ARHGEF4: variants seen among roughly 807,000 people sequenced by gnomAD.
The protein encoded by ARHGEF4 is APC-stimulated guanine nucleotide exchange factor 1.
In ARHGEF4, 119 loss-of-function variants were observed where a neutral mutation model predicts 162.0. The ratio of observed to expected loss-of-function variants is 0.73; its 90% confidence interval spans 0.63 to 0.86. ARHGEF4 has a LOEUF of 0.86. Among genes scored for constraint, ARHGEF4 ranks in the 40% least tolerant of loss-of-function variants. The probability of loss-of-function intolerance (pLI) is 0.00; values close to 1 mark genes in which losing one functional copy is unlikely to be tolerated. For synonymous variants in ARHGEF4, 1,014 were observed against 979.9 expected, an observed-to-expected ratio of 1.03 and a Z score of -0.65; for missense variants, 2,488 against 2,456.0, an observed-to-expected ratio of 1.01 and a Z score of -0.28.
At chr2:130,956,302 TTAAA>T in intron 4 of ARHGEF4, among the ~76,000 whole-genome samples, 1 of 152,056 alleles carries the variant, frequency 6.6e-6, no homozygotes, top group East Asian at 1.9e-4. Context: ...ATGGCAATCA[TTAAA>T]TAGTCAGGAA....
chr2:130,848,014 C>T (rs1232343138), intron 1 of ARHGEF4, among the ~76,000 whole-genome samples: 1 of 152,188 alleles, frequency 6.6e-6, no homozygotes, highest in Non-Finnish European at 1.5e-5. Flanking sequence ...TGTGAGGGAG[C>T]CACGTGGTTG....
In ARHGEF4 at chr2:131,029,759, C is replaced by T. The variant is rs561062737; in HGVS notation, c.4125+1675C>T. ...AGTAGAGACAGGGTTTCACCATGTT[C>T]GCCAGGCTAGTCTCAAACTCTTGAA... On this transcript the variant is annotated intron_variant, in intron 5 of 13. Transcript: ENST00000409359. 3.9e-5 allele frequency among the ~76,000 whole-genome samples: 6 copies of T among 152,176 alleles called. No homozygotes were observed. In the East Asian group the frequency reaches 7.8e-4, roughly 20 times the overall value.
intron 2 of ARHGEF4, among the ~76,000 whole-genome samples, chr2:130,929,037 C>T (rs1220417870): frequency 2.0e-5 from 3 of 152,156 alleles, no homozygotes; most frequent in Non-Finnish European, 4.4e-5. Flanking sequence ...CACCCATTCC[C>T]AGGAGTATGG....
chr2:130,915,592 G>T lies in ARHGEF4; in HGVS notation c.1646G>T (p.Ser549Ile). 6.4e-7 allele frequency: 1 copy of T among 1,550,588 alleles called. No individual in the cohort carries two copies. Among genetic ancestry groups the T allele is most frequent in the South Asian group, 1.2e-5 (1 of 84,060 alleles). The stretch of plus-strand genomic sequence containing the variant: ...ATGGGCTGCTTGGAAGTGAGTGACA[G>T]TTCAGATGCCCCTGAGACCACCCAG... ...DLMGCLEVSD[S>I]SDAPETTQKS... The change falls in exon 2 of 14, where the codon AGT (serine) becomes ATT (isoleucine). Residue 549 changes from serine to isoleucine, a missense_variant. By Grantham distance (142) the Ser-to-Ile change is moderately radical (BLOSUM62 -2). Around this residue, in one of 6 missense-constraint regions of ARHGEF4, gnomAD observed 1,642 missense variants for 1,481.5 expected, o/e 1.11. Coordinates refer to ENST00000409359, the MANE Select transcript of ARHGEF4 (RefSeq NM_001367493.1).
At chr2:131,040,547 T>G in intron 8 of ARHGEF4, 107 bp downstream of exon 8, 3 of 1,286,438 alleles carry the variant, frequency 2.3e-6, no homozygotes, top group Non-Finnish European at 3.1e-6. Context: ...CCACAACGCC[T>G]GGGCCCCAGC....
intron 5 of ARHGEF4, among the ~76,000 whole-genome samples, chr2:131,032,878 G>T (rs1165980379): frequency 3.6e-5 from 5 of 139,182 alleles, no homozygotes; most frequent in Admixed American, 7.0e-5. Flanking sequence ...TTTGAGACGG[G>T]GTCTCACTCT....
At chr2:130,894,992 A>G (rs1680074940) in intron 1 of ARHGEF4, among the ~76,000 whole-genome samples, 1 of 152,170 alleles carries the variant, frequency 6.6e-6, no homozygotes. Flanking sequence ...GAACAGTTTG[A>G]TGAGTTTGAC....
intron 4 of ARHGEF4, among the ~76,000 whole-genome samples, chr2:131,023,966 A>G (rs941614044): frequency 2.0e-5 from 3 of 152,216 alleles, no homozygotes; most frequent in Admixed American, 2.0e-4. Flanking sequence ...TGGAGTATTA[A>G]TACACATAGC....
chr2:130,953,601 C>A (rs1684086841), intron 4 of ARHGEF4, among the ~76,000 whole-genome samples: 1 of 152,038 alleles, frequency 6.6e-6, no homozygotes, highest in Non-Finnish European at 1.5e-5. Flanking sequence ...AAAGAAACTA[C>A]CATTAGAGTG....
chr2:130,945,234 C>A (rs976180691), intron 3 of ARHGEF4, among the ~76,000 whole-genome samples: 9 of 152,184 alleles, frequency 5.9e-5, no homozygotes, highest in African/African-American at 1.9e-4. Context: ...AGGAGCCCTC[C>A]TTTCCTAGTT....
intron 8 of ARHGEF4, 37 bp downstream of exon 8, chr2:131,040,477 C>T (rs752125154): frequency 8.0e-6 from 12 of 1,502,904 alleles, no homozygotes; most frequent in South Asian, 1.3e-5. Flanking sequence ...CTGGGCGCTG[C>T]GTTCACAGAG....
At chr2:130,981,766 A>C (rs1281038912) in intron 4 of ARHGEF4, among the ~76,000 whole-genome samples, 1 of 152,176 alleles carries the variant, frequency 6.6e-6, no homozygotes, top group Non-Finnish European at 1.5e-5. Flanking sequence ...CAGAGTCAAG[A>C]AAACCCCACA....
intron 3 of ARHGEF4, among the ~76,000 whole-genome samples, chr2:130,938,047 G>A (rs1683069590): frequency 6.6e-6 from 1 of 152,298 alleles, no homozygotes; most frequent in South Asian, 2.1e-4. Flanking sequence ...GTATGTTGCT[G>A]ACAGTATTCC....
chr2:130,949,536 A>T (rs1390234550), intron 4 of ARHGEF4, among the ~76,000 whole-genome samples: 1 of 151,688 alleles, frequency 6.6e-6, no homozygotes, highest in Non-Finnish European at 1.5e-5. Context: ...TCTATTTTTT[A>T]GTAGAGACAG....
chr2:130,942,028 G>A (rs1394949740), intron 3 of ARHGEF4, among the ~76,000 whole-genome samples: 3 of 152,010 alleles, frequency 2.0e-5, no homozygotes, highest in Admixed American at 6.6e-5. Context: ...TTCTTTGATT[G>A]TAAAAGGTTT....
In ARHGEF4 at chr2:131,011,999, G is replaced by A; in HGVS notation, c.3986-15946G>A. ...TGGACTTGATGATAAATATGGATGT[G>A]AACTGAAAGAAAGACAGGCGTCAGG... On this transcript the variant is annotated intron_variant, in intron 4 of 13. Coordinates refer to ENST00000409359, the MANE Select transcript of ARHGEF4 (RefSeq NM_001367493.1). 8.8e-6 allele frequency: 6 copies of A among 683,728 alleles called. No homozygotes were observed. In the South Asian group the frequency reaches 9.1e-5, roughly 10 times the overall value. 42.4% of individuals were successfully genotyped at this position (683,728 alleles called of 1,614,324 possible).
intron 4 of ARHGEF4, among the ~76,000 whole-genome samples, chr2:130,948,044 G>A (rs1683726488): frequency 6.6e-6 from 1 of 152,252 alleles, no homozygotes; most frequent in Non-Finnish European, 1.5e-5. Flanking sequence ...GCTGTTGGTA[G>A]TCAGGTCCTG....
At chr2:130,865,602 A>G (rs1574119096) in intron 1 of ARHGEF4, among the ~76,000 whole-genome samples, 1 of 151,974 alleles carries the variant, frequency 6.6e-6, no homozygotes, top group East Asian at 1.9e-4. Context: ...CACACTCAGG[A>G]CCCCCTGCGG....
At chr2:131,014,349 C>T (rs537874099) in intron 4 of ARHGEF4, among the ~76,000 whole-genome samples, 12 of 152,314 alleles carry the variant, frequency 7.9e-5, no homozygotes, top group Admixed American at 5.2e-4. Flanking sequence ...TAAATCATGA[C>T]ACAGCCATGT....
Sources: gnomAD v4.1 joint callset for allele counts (sites outside exome capture counted in the v4.1 genomes callset) on GRCh38, gnomAD v4.1.1 for gene constraint, gnomAD v4.1.1 regional missense constraint, MANE v1.5 for transcripts, NCBI Gene and HGNC (gene_info 2026-07-23, HGNC 2026-07-21) for gene names.